The following C2CD2L variants were observed in gnomAD, a reference collection of about 807,000 sequenced individuals.
C2CD2L encodes the protein C2CD2 like.
In C2CD2L, 24 loss-of-function variants were observed where a neutral mutation model predicts 69.9. The ratio of observed to expected loss-of-function variants is 0.34; its 90% CI spans 0.25 to 0.48. C2CD2L has a LOEUF of 0.48. Ranked by LOEUF, C2CD2L falls within the 20% of genes least tolerant of loss-of-function variation. The pLI is 0.99. For synonymous variants in C2CD2L, 367 were observed against 391.0 expected, an observed-to-expected ratio of 0.94 and a Z score of 0.72; for missense variants, 811 against 941.5, an observed-to-expected ratio of 0.86 and a Z score of 1.81.
upstream of C2CD2L, among the ~76,000 whole-genome samples, chr11:119,105,986 T>G (rs1234346999): frequency 6.6e-6 from 1 of 152,242 alleles, no homozygotes; most frequent in Admixed American, 6.5e-5. Context: ...CTCCCTTGAT[T>G]TCATGTCTTC....
At position 119,107,832 on chromosome 11, in the gene C2CD2L, C is replaced by G. The variant is rs773390187; in HGVS notation, c.91C>G (p.Leu31Val). The G allele has an allele frequency of 9.0e-6, 14 of 1,552,202 alleles. No homozygotes were observed. The highest frequency in any genetic ancestry group is 1.2e-5 in the Non-Finnish European group (14 of 1,160,122). ...GCTGCTCACGGTGTTCGCCTGGCTG[C>G]TGCAATATGCCCGGGGCTTGTGGCT... is the stretch of plus-strand genomic sequence containing the variant. ...ASLLTVFAWL[L>V]QYARGLWLAR... Residue 31 changes from leucine (L) to valine (V), a missense_variant, in exon 1 of 14, where the codon CTG (leucine) becomes GTG (valine). Coordinates refer to ENST00000648610, the MANE Select transcript of C2CD2L (RefSeq NM_001290474.2). This position sits in a 1 kb window ranked among gnomAD's most constrained non-coding sequence, Gnocchi z 5.4.
rs1348756242 is a variant in C2CD2L at position 119,109,209 on chromosome 11, C to A, written c.355-895C>A. Among the ~76,000 whole-genome samples, 3 of 152,206 alleles carry A rather than the reference C, an allele frequency of 2.0e-5. No individual in the cohort carries two copies. Among genetic ancestry groups the A allele is most frequent in the Non-Finnish European group, 4.4e-5 (3 of 68,028 alleles). On this transcript the variant is annotated intron_variant, in intron 1 of 13. Transcript: ENST00000648610. The surrounding 1 kb of genome is among the most constrained non-coding windows in gnomAD (Gnocchi z 5.1). The stretch of plus-strand genomic sequence containing the variant: ...CCTTTGAATGAGACAGCTACCAGAG[C>A]AAAGGAGTTGGCTTCCCCTGGTTTG...
At chr11:119,108,255 G>C (rs1946642807) in intron 1 of C2CD2L, 160 bp downstream of exon 1, 1 of 539,024 alleles carries the variant, frequency 1.9e-6, no homozygotes, top group Non-Finnish European at 3.2e-6. Flanking sequence ...CGCTAAGGCT[G>C]GAGGTTGTAG....
At position 119,114,251 on chromosome 11, in the gene C2CD2L, G is replaced by C. The variant is rs774687718; in HGVS notation, c.1795G>C (p.Glu599Gln). The change falls in exon 13 of 14, where the codon GAA (glutamate) becomes CAA (glutamine). Residue 599 changes from glutamate to glutamine, a missense_variant. By Grantham distance (29) the Glu-to-Gln change is conservative. Coordinates refer to ENST00000648610, the MANE Select transcript of C2CD2L (RefSeq NM_001290474.2). The surrounding 1 kb of genome is among the most constrained non-coding windows in gnomAD (Gnocchi z 5.1). The part of the protein sequence containing the change: ...DALSSPTSVQ[E>Q]ADETTRSDIS... ...CCTCTCTAGTCCCACAAGTGTCCAG[G>C]AAGCAGACGAGACAACCCGTTCGGA... The C allele has an allele frequency of 1.3e-5, 21 of 1,614,068 alleles. No individual in the cohort carries two copies. The highest frequency in any genetic ancestry group is 1.8e-5 in the Non-Finnish European group (21 of 1,180,036).
In C2CD2L at chr11:119,110,792, G is replaced by A; in HGVS notation, c.571-55G>A. 1 of 1,606,672 alleles carries A rather than the reference G, an allele frequency of 6.2e-7. No homozygotes were observed. The highest frequency in any genetic ancestry group is 8.5e-7 in the Non-Finnish European group (1 of 1,174,356). ...TCAGGAAGGGAGAGTCCTCGAATTA[G>A]GAGTCCTTGGGTAAATGGGGCAAGT... On this transcript the variant is annotated intron_variant, in intron 3 of 13. Coordinates refer to ENST00000648610, the MANE Select transcript of C2CD2L (RefSeq NM_001290474.2). This position sits in a 1 kb window ranked among gnomAD's most constrained non-coding sequence, Gnocchi z 5.7.
rs114837336 is a variant in C2CD2L, at chr11:119,113,939, A to G, written c.1574A>G (p.Lys525Arg). The change falls in exon 12 of 14, where the codon AAG (lysine) becomes AGG (arginine). Residue 525 changes from lysine to arginine, a missense_variant. Lys to Arg is a conservative substitution (Grantham distance 26). Transcript: ENST00000648610. ...QLTEPSGRVA[K>R]KTPTKRSTLI... Reference sequence around the variant, plus strand: ...ACAGAGCCCAGTGGGCGGGTGGCCAAGAAGACACCCACCAAGCGCAGCACT... The same window carrying G: ...ACAGAGCCCAGTGGGCGGGTGGCCAGGAAGACACCCACCAAGCGCAGCACT... 1,108 of 1,614,196 alleles carry G rather than the reference A, an allele frequency of 6.9e-4. 5 individuals carry two copies. The African/African-American group carries it at 0.012, about 18-fold the overall frequency.
rs1189303642 is a variant in C2CD2L at position 119,110,403 on chromosome 11, C to G, written c.451-158C>G. 6.6e-6 allele frequency among the ~76,000 whole-genome samples: 1 copy of G among 152,148 alleles called. No homozygotes were observed. The highest frequency in any genetic ancestry group is 2.4e-5 in the African/African-American group (1 of 41,420). On this transcript the variant is annotated intron_variant, in intron 2 of 13. Transcript: ENST00000648610. The surrounding 1 kb of genome is among the most constrained non-coding windows in gnomAD (Gnocchi z 5.7). ...TATGCATTTTTCTGGGGAGAGGAGT[C>G]TTTGGCATTTATCTGATTCTTTTAG...
In C2CD2L at chr11:119,112,623, C is replaced by T; in HGVS notation, c.1212+14C>T. On this transcript the variant is annotated intron_variant, in intron 9 of 13. Coordinates refer to ENST00000648610, the MANE Select transcript of C2CD2L (RefSeq NM_001290474.2). ...ATGGCAGTGGAGGTGAGAAGCTGAC[C>T]CCTGGGGTAGGTGGGAGGACACAGG... The T allele has an allele frequency of 6.2e-7, 1 of 1,607,860 alleles. No individual in the cohort carries two copies. The highest frequency in any genetic ancestry group is 1.7e-5 in the Admixed American group (1 of 58,860).
At chr11:119,104,746 A>G (rs535237939), upstream of C2CD2L, among the ~76,000 whole-genome samples, 13 of 152,334 alleles carry the variant, frequency 8.5e-5, no homozygotes, top group African/African-American at 2.2e-4. Context: ...GTGGCTCCCA[A>G]TGAGCAAGGC....
At chr11:119,104,161 C>T (rs947981720), upstream of C2CD2L, among the ~76,000 whole-genome samples, 4 of 152,122 alleles carry the variant, frequency 2.6e-5, no homozygotes, top group African/African-American at 7.2e-5. Context: ...AGTGAGACAC[C>T]AGAAGCTGGT....
chr11:119,108,133 T>C, intron 1 of C2CD2L, 38 bp downstream of exon 1: 1 of 1,439,584 alleles, frequency 6.9e-7, no homozygotes, highest in Non-Finnish European at 9.5e-7. Context: ...CCCTTCAGCC[T>C]TTCCTTCCAG....
Position 119,112,691 on chromosome 11 carries a change from C to G in C2CD2L, c.1213-9C>G. 6.2e-7 allele frequency: 1 copy of G among 1,612,828 alleles called. No individual in the cohort carries two copies. Among genetic ancestry groups the G allele is most frequent in the South Asian group, 1.1e-5 (1 of 90,968 alleles). ...GGCTCTGTCTCTTCTCTCTCCCACCCCTGGGCAGCTTCACTATGAGGAGGG... is the reference window on the plus strand; with the variant it reads ...GGCTCTGTCTCTTCTCTCTCCCACCGCTGGGCAGCTTCACTATGAGGAGGG... On this transcript the variant is annotated splice_polypyrimidine_tract_variant and intron_variant, in intron 9 of 13. Transcript: ENST00000648610.
At position 119,110,815 on chromosome 11, in the gene C2CD2L, A is replaced by G. The variant is rs781116505; in HGVS notation, c.571-32A>G. ...TAGGAGTCCTTGGGTAAATGGGGCA[A>G]GTCAGCCCAGTCACTTTGTTCCTGT... On this transcript the variant is annotated intron_variant, in intron 3 of 13. Coordinates refer to ENST00000648610, the MANE Select transcript of C2CD2L (RefSeq NM_001290474.2). The surrounding 1 kb of genome is among the most constrained non-coding windows in gnomAD (Gnocchi z 5.7). The G allele has an allele frequency of 6.2e-7, 1 of 1,611,954 alleles. No homozygotes were observed. The highest frequency in any genetic ancestry group is 8.5e-7 in the Non-Finnish European group (1 of 1,178,410).
At chr11:119,111,415 T>C (rs762873011) in intron 6 of C2CD2L, 41 bp downstream of exon 6, 1 of 1,603,714 alleles carries the variant, frequency 6.2e-7, no homozygotes, top group Non-Finnish European at 8.5e-7. Flanking sequence ...AAGGCTATGG[T>C]TGGTTGCAGA....
chr11:119,103,818 G>A (rs527255247), upstream of C2CD2L, among the ~76,000 whole-genome samples: 1 of 152,304 alleles, frequency 6.6e-6, no homozygotes, highest in African/African-American at 2.4e-5. Context: ...TAATTTACTT[G>A]CTAGTATTCC....
Position 119,116,219 on chromosome 11 carries a change from A to G in C2CD2L, c.2084A>G (p.Lys695Arg), listed in dbSNP as rs771929855. 1 of 1,614,152 alleles carries G rather than the reference A, an allele frequency of 6.2e-7. No homozygotes were observed. The highest frequency in any genetic ancestry group is 1.7e-5 in the Admixed American group (1 of 60,018). Residue 695 changes from lysine to arginine, a missense_variant, in exon 14 of 14, where the codon AAA becomes AGA. Coordinates refer to ENST00000648610, the MANE Select transcript of C2CD2L (RefSeq NM_001290474.2). ...ATCAAGCGCTTTTCCTTCAAATCCA[A>G]ACCCAAGGCCAATGGTAACCCCAGC... ...RLIKRFSFKS[K>R]PKANGNPSPQ...
chr11:119,113,407 C>A (rs1284778913), intron 10 of C2CD2L: 4 of 662,042 alleles, frequency 6.0e-6, no homozygotes, highest in Non-Finnish European at 1.0e-5. Context: ...CTTCAGCAGG[C>A]CCCATGGCAC....
intron 7 of C2CD2L, chr11:119,112,112 G>A (rs1462975433): frequency 7.1e-6 from 4 of 562,390 alleles, no homozygotes; most frequent in South Asian, 2.2e-5. Flanking sequence ...GGACCAGGGA[G>A]GATTTGAATG....
In C2CD2L at chr11:119,116,370, GCCCCGT is replaced by G. The variant is rs1946893819; in HGVS notation, c.*117_*122del. The G allele has an allele frequency of 1.1e-6, 1 of 875,820 alleles. No individual in the cohort carries two copies. The highest frequency in any genetic ancestry group is 1.8e-6 in the Non-Finnish European group (1 of 560,206). The allele number at this position is 875,820 out of a possible 1,614,324, so 54.3% of individuals were successfully genotyped here. A position where few individuals can be genotyped will look rare whatever the true frequency, so the allele number is the denominator to read the frequency against. On this transcript the variant is annotated 3_prime_UTR_variant, in exon 14 of 14. Coordinates refer to ENST00000648610, the MANE Select transcript of C2CD2L (RefSeq NM_001290474.2). ...AGGAAAGCCCTCTGGGTTCCGGGAA[GCCCCGT>G]CCACCCTGGGCCATGGGGCCGGTTG...
Sources: allele counts gnomAD v4.1 joint callset (sites outside exome capture counted in the v4.1 genomes callset), GRCh38; gene constraint gnomAD v4.1.1; non-coding constraint Gnocchi (gnomAD v3.1); transcripts MANE v1.5; gene names NCBI Gene and HGNC (gene_info 2026-07-23, HGNC 2026-07-21).